The following SLC44A5 variants were observed in gnomAD, a reference collection of about 807,000 sequenced individuals.
The protein encoded by SLC44A5 is solute carrier family 44 member 5, also known as choline transporter-like protein 5.
In SLC44A5, 57 loss-of-function variants were observed where a neutral mutation model predicts 101.8. The ratio of observed to expected loss-of-function variants is 0.56; its 90% CI spans 0.45 to 0.70. The LOEUF (loss-of-function observed/expected upper bound fraction) is 0.70, where lower values mean the gene tolerates loss of function less well. Ranked by LOEUF, SLC44A5 falls within the 30% of genes least tolerant of loss-of-function variation. The pLI is 0.00. For synonymous variants in SLC44A5, 281 were observed against 290.9 expected (o/e 0.97, Z 0.35); for missense variants, 737 against 853.1 (o/e 0.86, Z 1.70).
rs146006585 is a variant in SLC44A5, at chr1:75,412,198, C to A, written c.14-15577G>T. On this transcript the variant is annotated intron_variant, in intron 2 of 23. Coordinates refer to ENST00000370859, the MANE Select transcript of SLC44A5 (RefSeq NM_001130058.2). ...TCATCTTTAAATGCAAGGACTATAT[C>A]TTTTTTAATCTTTGTATCTCCAGCG... Among the ~76,000 whole-genome samples the A allele has an allele frequency of 1.2e-3, 186 of 152,084 alleles. 1 individual carries two copies. The highest frequency in any genetic ancestry group is 4.1e-3 in the African/African-American group (172 of 41,508).
chr1:75,293,464 G>A (rs1347985694), intron 5 of SLC44A5, among the ~76,000 whole-genome samples: 2 of 152,098 alleles, frequency 1.3e-5, no homozygotes, highest in African/African-American at 2.4e-5. Context: ...GTTGGCTTTC[G>A]AATCATTACT....
intron 2 of SLC44A5, among the ~76,000 whole-genome samples, chr1:75,465,749 C>A (rs1223791697): frequency 6.6e-6 from 1 of 152,008 alleles, no homozygotes; most frequent in East Asian, 1.9e-4. Flanking sequence ...CTACTATGAG[C>A]AACTATATGC....
At chr1:75,708,286 C>T in the SLC44A5 span, among the ~76,000 whole-genome samples, 7 of 151,220 alleles carry the variant, frequency 4.6e-5, no homozygotes, top group East Asian at 1.9e-4. Flanking sequence ...ATGTGGCATG[C>T]GCCTGTTATC....
chr1:75,491,747 A>C (rs1008325526), intron 2 of SLC44A5, among the ~76,000 whole-genome samples: 1 of 151,886 alleles, frequency 6.6e-6, no homozygotes, highest in South Asian at 2.1e-4. Flanking sequence ...ACACACACAC[A>C]CACAGTATTA....
intron 1 of SLC44A5, among the ~76,000 whole-genome samples, chr1:75,562,527 A>G (rs1294989159): frequency 6.6e-6 from 1 of 151,974 alleles, no homozygotes; most frequent in Non-Finnish European, 1.5e-5. Flanking sequence ...GAGAACCCCT[A>G]TCTCTATAAG....
chr1:75,548,619 A>C (rs533104272), intron 1 of SLC44A5, among the ~76,000 whole-genome samples: 1 of 152,276 alleles, frequency 6.6e-6, no homozygotes, highest in East Asian at 1.9e-4. Flanking sequence ...GAATACACAT[A>C]ACACATCTCG....
chr1:75,363,486 TA>T (rs1160464289), intron 3 of SLC44A5, among the ~76,000 whole-genome samples: 2 of 152,040 alleles, frequency 1.3e-5, no homozygotes, highest in African/African-American at 4.8e-5. Flanking sequence ...CCATGAAACT[TA>T]TATAAAATAT....
chr1:75,552,952 C>T (rs1223336757), intron 1 of SLC44A5, among the ~76,000 whole-genome samples: 2 of 151,876 alleles, frequency 1.3e-5, no homozygotes, highest in Non-Finnish European at 2.9e-5. Flanking sequence ...TTTTTAAATT[C>T]CATTTTAATC....
chr1:75,679,406 C>A, the SLC44A5 span, among the ~76,000 whole-genome samples: 1 of 150,132 alleles, frequency 6.7e-6, no homozygotes, highest in African/African-American at 2.4e-5. Flanking sequence ...AGACTAACAG[C>A]GGATCTCTCA....
intron 4 of SLC44A5, among the ~76,000 whole-genome samples, chr1:75,313,816 G>C (rs967212983): frequency 1.7e-4 from 26 of 152,080 alleles, no homozygotes; most frequent in African/African-American, 6.3e-4. Context: ...ATTAAAGATT[G>C]AGAAAGAAAA....
At chr1:75,358,394 G>A (rs984726345) in intron 3 of SLC44A5, among the ~76,000 whole-genome samples, 14 of 152,096 alleles carry the variant, frequency 9.2e-5, no homozygotes, top group African/African-American at 3.4e-4. Context: ...TGGTATGTTA[G>A]TCAAAGTTTT....
chr1:75,386,066 A>T (rs1661317554), intron 3 of SLC44A5, among the ~76,000 whole-genome samples: 1 of 152,082 alleles, frequency 6.6e-6, no homozygotes, highest in African/African-American at 2.4e-5. Context: ...TTTCAAAATA[A>T]TAAGAGCTAT....
the SLC44A5 span, among the ~76,000 whole-genome samples, chr1:75,631,471 C>G: frequency 6.6e-6 from 1 of 151,430 alleles, no homozygotes; most frequent in East Asian, 1.9e-4. Context: ...CTCCTGGGCT[C>G]AAGCCATCCT....
chr1:75,359,590 T>C (rs2101108714), intron 3 of SLC44A5, among the ~76,000 whole-genome samples: 1 of 152,258 alleles, frequency 6.6e-6, no homozygotes, highest in South Asian at 2.1e-4. Flanking sequence ...CTTAGGCTGA[T>C]TCCTTATCAT....
At chr1:75,275,329 G>T (rs1386858225) in intron 5 of SLC44A5, among the ~76,000 whole-genome samples, 2 of 152,080 alleles carry the variant, frequency 1.3e-5, no homozygotes, top group Non-Finnish European at 2.9e-5. Flanking sequence ...GAATTAGAGG[G>T]CACATTATAA....
At chr1:75,596,817 T>C (rs942202233) in intron 1 of SLC44A5, among the ~76,000 whole-genome samples, 1 of 152,042 alleles carries the variant, frequency 6.6e-6, no homozygotes, top group African/African-American at 2.4e-5. Flanking sequence ...ATAAGAGCCA[T>C]ATACAACAAA....
chr1:75,562,059 A>G (rs1175718006), intron 1 of SLC44A5, among the ~76,000 whole-genome samples: 6 of 152,130 alleles, frequency 3.9e-5, no homozygotes, highest in East Asian at 1.9e-4. Context: ...TGACACATGT[A>G]TACTTATGTA....
intron 2 of SLC44A5, among the ~76,000 whole-genome samples, chr1:75,479,191 C>A (rs994743569): frequency 1.3e-5 from 2 of 152,172 alleles, no homozygotes; most frequent in African/African-American, 2.4e-5. Flanking sequence ...TAAAGATGTT[C>A]TTTGAAACCA....
intron 5 of SLC44A5, among the ~76,000 whole-genome samples, chr1:75,285,053 C>G (rs969476668): frequency 6.6e-6 from 1 of 151,916 alleles, no homozygotes; most frequent in African/African-American, 2.4e-5. Flanking sequence ...CCCTCTTTAT[C>G]TTTTGGAATA....
Sources: allele counts gnomAD v4.1 joint callset (sites outside exome capture counted in the v4.1 genomes callset), GRCh38; gene constraint gnomAD v4.1.1; transcripts MANE v1.5; gene names NCBI Gene and HGNC (gene_info 2026-07-23, HGNC 2026-07-21).